The following TCHH variants were observed in gnomAD, a reference collection of about 807,000 sequenced individuals.
The protein encoded by TCHH is trichohyalin.
TCHH carries 6 observed loss-of-function variants against 6.3 expected under a neutral mutation model. The observed-to-expected ratio is 0.95, with a 90% CI of 0.52 to 1.88. TCHH has a LOEUF of 1.88. Ranked by LOEUF, TCHH falls within the 40% of genes most tolerant of loss-of-function variation. The pLI is 0.01. For synonymous variants in TCHH, 1,087 were observed against 963.6 expected, an observed-to-expected ratio of 1.13 and a Z score of -2.37; for missense variants, 2,920 against 2,449.1, an observed-to-expected ratio of 1.19 and a Z score of -4.06.
At position 152,109,452 on chromosome 1, in the gene TCHH, A is replaced by G. The variant is rs188287958; in HGVS notation, c.3765T>C (p.Asp1255=). Residue 1255 remains aspartate (D), a synonymous_variant, in exon 3 of 3, where the codon GAT becomes GAC. Coordinates refer to ENST00000614923, the MANE Select transcript of TCHH (RefSeq NM_007113.4). ...GGGATTGTCTGTCGCGCAGCTGGGA[A>G]TCTTCCAACTGCCGGAACTGTTCAT... ...RENEQFRQLE[D]SQLRDRQSQQ... is the part of the protein sequence containing the mutation. The G allele has an allele frequency of 1.9e-6, 3 of 1,614,100 alleles. No individual in the cohort carries two copies. The highest frequency in any genetic ancestry group is 2.7e-5 in the African/African-American group (2 of 74,940).
rs763611360 is a variant in TCHH, at chr1:152,109,213, T to C, written c.4004A>G (p.Asp1335Gly). The C allele has an allele frequency of 2.5e-6, 4 of 1,614,190 alleles. No homozygotes were observed. Among genetic ancestry groups the C allele is most frequent in the Non-Finnish European group, 3.4e-6 (4 of 1,179,988 alleles). The change falls in exon 3 of 3, where the codon GAC becomes GGC. Residue 1335 changes from aspartate (D) to glycine (G), a missense_variant. By Grantham distance (94) the Asp-to-Gly change is moderately conservative. Transcript: ENST00000614923. ...REEKRRRQETDRKFREEEQLL... is the reference protein window; with the variant it reads ...REEKRRRQETGRKFREEEQLL... ...CTGTTCCTCCTCGCGGAATTTTCTG[T>C]CTGTCTCTTGACGGCGTCTCTTCTC... is the stretch of plus-strand genomic sequence containing the variant.
Position 152,107,652 on chromosome 1 carries a change from C to G in TCHH, c.5565G>C (p.Glu1855Asp), listed in dbSNP as rs1469465073. The change falls in exon 3 of 3, where the codon GAG becomes GAC. Residue 1855 changes from glutamate (E) to aspartate (D), a missense_variant. Transcript: ENST00000614923. Reference sequence around the variant, plus strand: ...GTTCTTGTTCCTCACGACGACTCTTCTCCTGCGTGGCAAACTGCTCCTCCG... The same window carrying G: ...GTTCTTGTTCCTCACGACGACTCTTGTCCTGCGTGGCAAACTGCTCCTCCG... ...YRAEEQFATQEKSRREEQELW... is the reference protein window; with the variant it reads ...YRAEEQFATQDKSRREEQELW... 1.9e-6 allele frequency: 3 copies of G among 1,614,004 alleles called. No individual in the cohort carries two copies. Among genetic ancestry groups the G allele is most frequent in the Non-Finnish European group, 2.5e-6 (3 of 1,179,930 alleles).
Position 152,109,907 on chromosome 1 carries a change from G to C in TCHH, c.3310C>G (p.Gln1104Glu). ...LREEPEKRRR[Q>E]ERERQCREEE... ...TCCCGACATTGCCTCTCCCGCTCCT[G>C]GCGCCTTCTCTTCTCCGGTTCCTCT... Residue 1104 changes from glutamine to glutamate, a missense_variant, in exon 3 of 3, where the codon CAG (glutamine) becomes GAG (glutamate). Gln to Glu is a conservative substitution (Grantham distance 29). Transcript: ENST00000614923. 6.3e-7 allele frequency: 1 copy of C among 1,588,114 alleles called. No homozygotes were observed. Among genetic ancestry groups the C allele is most frequent in the Non-Finnish European group, 8.5e-7 (1 of 1,170,596 alleles).
chr1:152,109,461 CT>C lies in TCHH; in HGVS notation c.3755del (p.Gln1252ArgfsTer70). 1.9e-6 allele frequency: 3 copies of C among 1,614,282 alleles called. No individual in the cohort carries two copies. The highest frequency in any genetic ancestry group is 8.5e-7 in the Non-Finnish European group (1 of 1,180,056). ...TGTCGCGCAGCTGGGAATCTTCCAA[CT>C]GCCGGAACTGTTCATTCTCTCTGCC... ...CKGRENEQFR[Q>X]LEDSQLRDRQ... is the part of the protein sequence containing the mutation. On this transcript the variant is annotated frameshift_variant, in exon 3 of 3. Transcript: ENST00000614923. LOFTEE classifies it low-confidence loss of function (END_TRUNC).
Position 152,114,111 on chromosome 1 carries a change from C to A in TCHH, c.-31G>T, listed in dbSNP as rs776327742. ...TTTCTTTCCTTCAAGTTCAAGTAAA[C>A]CTAGAACAATAAAATAAGATCCAGA... is the stretch of plus-strand genomic sequence containing the variant. On this transcript the variant is annotated splice_region_variant and 5_prime_UTR_variant, in exon 2 of 3. Coordinates refer to ENST00000614923, the MANE Select transcript of TCHH (RefSeq NM_007113.4). 2 of 1,573,666 alleles carry A rather than the reference C, an allele frequency of 1.3e-6. No homozygotes were observed. The highest frequency in any genetic ancestry group is 2.2e-5 in the East Asian group (1 of 44,460).
Position 152,109,689 on chromosome 1 carries a change from C to T in TCHH, c.3528G>A (p.Leu1176=). Reference sequence around the variant, plus strand: ...TCAGCAGCTGCTCTTCCTCCTGCTGCAGCTCCTCTTCCTCGCGGTATTGCC... The same window carrying T: ...TCAGCAGCTGCTCTTCCTCCTGCTGTAGCTCCTCTTCCTCGCGGTATTGCC... The part of the protein sequence containing the change: ...LERQYREEEE[L]QQEEEQLLRE... Residue 1176 remains leucine, a synonymous_variant, in exon 3 of 3, where the codon CTG becomes CTA. Transcript: ENST00000614923. 6.2e-7 allele frequency: 1 copy of T among 1,608,808 alleles called. No individual in the cohort carries two copies. Among genetic ancestry groups the T allele is most frequent in the Non-Finnish European group, 8.5e-7 (1 of 1,177,070 alleles).
rs372285733 is a variant in TCHH at position 152,111,919 on chromosome 1, C to T, written c.1298G>A (p.Arg433Lys). The change falls in exon 3 of 3, where the codon AGG (arginine) becomes AAG (lysine). Residue 433 changes from arginine to lysine, a missense_variant. By Grantham distance (26) the Arg-to-Lys change is conservative. Transcript: ENST00000614923. ...QQLRREQEEE[R>K]HEQKHEQERR... ...CTCCTGCTCGTGCTTCTGCTCGTGC[C>T]TCTCCTCCTCCTGCTCGCGCCTCAG... 2.1e-5 allele frequency: 32 copies of T among 1,554,146 alleles called. No homozygotes were observed. The African/African-American group carries it at 4.0e-4, about 20-fold the overall frequency.
Position 152,108,830 on chromosome 1 carries a change from A to T in TCHH, c.4387T>A (p.Phe1463Ile). The change falls in exon 3 of 3, where the codon TTC becomes ATC. Residue 1463 changes from phenylalanine to isoleucine, a missense_variant. Phe to Ile is a conservative substitution (Grantham distance 21). Coordinates refer to ENST00000614923, the MANE Select transcript of TCHH (RefSeq NM_007113.4). The part of the protein sequence containing the change: ...QQLRQERHRK[F>I]REEEQLLQER... ...TGGAGCAGCTGTTCCTCTTCGCGGAATTTTCTGTGACGCTCCTGGCGCAGC... is the reference window on the plus strand; with the variant it reads ...TGGAGCAGCTGTTCCTCTTCGCGGATTTTTCTGTGACGCTCCTGGCGCAGC... 6.3e-7 allele frequency: 1 copy of T among 1,585,386 alleles called. No individual in the cohort carries two copies. The highest frequency in any genetic ancestry group is 8.5e-7 in the Non-Finnish European group (1 of 1,171,230).
In TCHH at chr1:152,112,667, C is replaced by T. The variant is rs1269624086; in HGVS notation, c.550G>A (p.Glu184Lys). 6.2e-7 allele frequency: 1 copy of T among 1,614,094 alleles called. No individual in the cohort carries two copies. Among genetic ancestry groups the T allele is most frequent in the East Asian group, 2.2e-5 (1 of 44,854 alleles). Residue 184 changes from glutamate (E) to lysine (K), a missense_variant, in exon 3 of 3, where the codon GAA (glutamate) becomes AAA (lysine). Transcript: ENST00000614923. ...WRQRQEWQEREERRAEEEQLQ... is the reference protein window; with the variant it reads ...WRQRQEWQERKERRAEEEQLQ... Reference sequence around the variant, plus strand: ...TGCTCTTCCTCTGCACGGCGCTCTTCCCGTTCTTGCCATTCTTGCCTTTGC... The same window carrying T: ...TGCTCTTCCTCTGCACGGCGCTCTTTCCGTTCTTGCCATTCTTGCCTTTGC...
Position 152,111,266 on chromosome 1 carries a change from G to T in TCHH, c.1951C>A (p.Gln651Lys). ...ERRQQQLRREQQERREQRLKR... is the reference protein window; with the variant it reads ...ERRQQQLRREKQERREQRLKR... ...AGCCGCTGCTCGCGCCTTTCCTGCT[G>T]CTCGCGCCTTAGTTGCTGCTGGCGC... The change falls in exon 3 of 3, where the codon CAG becomes AAG. Residue 651 changes from glutamine (Q) to lysine (K), a missense_variant. Coordinates refer to ENST00000614923, the MANE Select transcript of TCHH (RefSeq NM_007113.4). 6.2e-7 allele frequency: 1 copy of T among 1,601,644 alleles called. No homozygotes were observed. Among genetic ancestry groups the T allele is most frequent in the South Asian group, 1.1e-5 (1 of 90,396 alleles).
chr1:152,113,590 A>C (rs1245130800), intron 2 of TCHH, among the ~76,000 whole-genome samples: 1 of 152,238 alleles, frequency 6.6e-6, no homozygotes, highest in African/African-American at 2.4e-5. Flanking sequence ...ATTAGAAAAC[A>C]GAACAAAACA....
chr1:152,111,427 C>T lies in TCHH; in HGVS notation c.1790G>A (p.Arg597Lys), dbSNP rs753684041. The change falls in exon 3 of 3, where the codon AGG (arginine) becomes AAG (lysine). Residue 597 changes from arginine (R) to lysine (K), a missense_variant. Physicochemically the swap from Arg to Lys is conservative, Grantham distance 26. Coordinates refer to ENST00000614923, the MANE Select transcript of TCHH (RefSeq NM_007113.4). ...CTCGCGCTTCAGTCGCTGCTCGAGC[C>T]TCTCTTCCTGCTCGCGCTTCAGCCG... ...QQRLKREQEE[R>K]LEQRLKREEV... The T allele has an allele frequency of 1.9e-6, 3 of 1,601,746 alleles. No homozygotes were observed. The highest frequency in any genetic ancestry group is 2.2e-5 in the South Asian group (2 of 90,588).
chr1:152,111,494 G>C lies in TCHH; in HGVS notation c.1723C>G (p.Arg575Gly), dbSNP rs758417977. 1.9e-6 allele frequency: 3 copies of C among 1,597,548 alleles called. No homozygotes were observed. Among genetic ancestry groups the C allele is most frequent in the African/African-American group, 2.9e-5 (2 of 69,236 alleles). ...TCCTCGCGCTTCAGCAGCTGATCGCGCCTCTCCTCCTGCTCGCGCTTCAGC... is the reference window on the plus strand; with the variant it reads ...TCCTCGCGCTTCAGCAGCTGATCGCCCCTCTCCTCCTGCTCGCGCTTCAGC... ...QRLKREQEER[R>G]DQLLKREEER... is the part of the protein sequence containing the mutation. Residue 575 changes from arginine (R) to glycine (G), a missense_variant, in exon 3 of 3, where the codon CGC (arginine) becomes GGC (glycine). Physicochemically the swap from Arg to Gly is moderately radical, Grantham distance 125. Transcript: ENST00000614923.
chr1:152,111,859 T>C lies in TCHH; in HGVS notation c.1358A>G (p.Glu453Gly). The change falls in exon 3 of 3, where the codon GAG becomes GGG. Residue 453 changes from glutamate to glycine, a missense_variant. Glu to Gly is a moderately conservative substitution (Grantham distance 98). Coordinates refer to ENST00000614923, the MANE Select transcript of TCHH (RefSeq NM_007113.4). ...REQRLKREQE[E>G]RRDWLKREEE... is the part of the protein sequence containing the mutation. ...CTCGCGCTTCAGCCAATCGCGCCTC[T>C]CCTCCTGCTCGCGCTTCAGCCGCTG... 6.2e-7 allele frequency: 1 copy of C among 1,600,970 alleles called. No homozygotes were observed. The highest frequency in any genetic ancestry group is 8.5e-7 in the Non-Finnish European group (1 of 1,177,068).
In TCHH at chr1:152,114,041, T is replaced by C. The variant is rs1331934289; in HGVS notation, c.40A>G (p.Ile14Val). 2 of 1,613,468 alleles carry C rather than the reference T, an allele frequency of 1.2e-6. No homozygotes were observed. The part of the protein sequence containing the change: ...LLRSICDITE[I>V]FNQYVSHDCD... The stretch of plus-strand genomic sequence containing the variant: ...TCATGAGAGACATACTGATTGAAAA[T>C]TTCAGTGATGTCACAGATGCTTCTC... The change falls in exon 2 of 3, where the codon ATT becomes GTT. Residue 14 changes from isoleucine (I) to valine (V), a missense_variant. Transcript: ENST00000614923.
chr1:152,113,900 A>G (rs748667860), intron 2 of TCHH, 43 bp downstream of exon 2: 3 of 1,595,418 alleles, frequency 1.9e-6, no homozygotes, highest in African/African-American at 1.4e-5. Flanking sequence ...AATAAATCTC[A>G]TAGCCTCAAG....
Position 152,112,634 on chromosome 1 carries a change from T to C in TCHH, c.583A>G (p.Ser195Gly). The C allele has an allele frequency of 1.2e-6, 2 of 1,613,472 alleles. No individual in the cohort carries two copies. Among genetic ancestry groups the C allele is most frequent in the South Asian group, 2.2e-5 (2 of 91,038 alleles). The change falls in exon 3 of 3, where the codon AGT becomes GGT. Residue 195 changes from serine to glycine, a missense_variant. By Grantham distance (56) the Ser-to-Gly change is moderately conservative. Transcript: ENST00000614923. ...ERRAEEEQLQ[S>G]CKGHETEEFP... Reference sequence around the variant, plus strand: ...TCCTCAGTTTCGTGACCTTTGCAACTCTGCAGCTGCTCTTCCTCTGCACGG... The same window carrying C: ...TCCTCAGTTTCGTGACCTTTGCAACCCTGCAGCTGCTCTTCCTCTGCACGG...
In TCHH at chr1:152,109,367, T is replaced by G. The variant is rs779156180; in HGVS notation, c.3850A>C (p.Arg1284=). The G allele has an allele frequency of 6.2e-6, 10 of 1,614,178 alleles. No homozygotes were observed. The South Asian group carries it at 7.7e-5, about 12-fold the overall frequency. Residue 1284 remains arginine, a synonymous_variant, in exon 3 of 3, where the codon AGG becomes CGG. Coordinates refer to ENST00000614923, the MANE Select transcript of TCHH (RefSeq NM_007113.4). ...QQERDREQER[R]RWQQRDRHFP... ...TGCCTGTCGCGCTGCTGCCAGCGCC[T>G]CCTCTCTTGCTCACGATCTCGCTCT... is the stretch of plus-strand genomic sequence containing the variant.
At position 152,110,714 on chromosome 1, in the gene TCHH, C is replaced by G; in HGVS notation, c.2503G>C (p.Glu835Gln). The G allele has an allele frequency of 1.2e-6, 2 of 1,611,736 alleles. No homozygotes were observed. The highest frequency in any genetic ancestry group is 1.7e-6 in the Non-Finnish European group (2 of 1,179,978). The change falls in exon 3 of 3, where the codon GAG (glutamate) becomes CAG (glutamine). Residue 835 changes from glutamate (E) to glutamine (Q), a missense_variant. Glu to Gln is a conservative substitution (Grantham distance 29). Coordinates refer to ENST00000614923, the MANE Select transcript of TCHH (RefSeq NM_007113.4). ...REREKELQFL[E>Q]EEEQLQRRER... The stretch of plus-strand genomic sequence containing the variant: ...CGCCGCTGGAGCTGCTCCTCTTCCT[C>G]CAGGAACTGCAGCTCTTTCTCCCTC...
Sources: allele counts gnomAD v4.1 joint callset (sites outside exome capture counted in the v4.1 genomes callset), GRCh38; gene constraint gnomAD v4.1.1; transcripts MANE v1.5; gene names NCBI Gene and HGNC (gene_info 2026-07-23, HGNC 2026-07-21).